NRXN3: variants seen among roughly 807,000 people sequenced by gnomAD.
NRXN3 encodes the protein neurexin 3.
A neutral mutation model predicts 137.6 loss-of-function variants in NRXN3; 32 were observed. That is an observed-to-expected ratio of 0.23 (90% CI 0.18 to 0.31). NRXN3 has a LOEUF of 0.31. Ranked by LOEUF, NRXN3 falls within the 10% of genes least tolerant of loss-of-function variation. The probability of loss-of-function intolerance (pLI) is 1.00; values close to 1 mark genes in which losing one functional copy is unlikely to be tolerated. For synonymous variants in NRXN3, 798 were observed against 784.5 expected, an observed-to-expected ratio of 1.02 and a Z score of -0.29; for missense variants, 1,574 against 2,062.5, an observed-to-expected ratio of 0.76 and a Z score of 4.59.
At chr14:79,655,721 A>T (rs1196389581) in intron 16 of NRXN3, among the ~76,000 whole-genome samples, 1 of 152,094 alleles carries the variant, frequency 6.6e-6, no homozygotes, top group African/African-American at 2.4e-5. Context: ...ATTTAGCAGC[A>T]TGCGTGGCCT....
chr14:79,277,349 C>A (rs1024224288), intron 15 of NRXN3, among the ~76,000 whole-genome samples: 1 of 152,070 alleles, frequency 6.6e-6, no homozygotes, highest in Non-Finnish European at 1.5e-5. Flanking sequence ...TCATCTAGGC[C>A]GCCTTAAGGC....
rs2060914607 is a variant in NRXN3, at chr14:79,162,761, C to T, written c.3262+174620C>T. Among the ~76,000 whole-genome samples the T allele has an allele frequency of 2.6e-5, 4 of 151,818 alleles. No homozygotes were observed. The South Asian group carries it at 8.3e-4, about 31-fold the overall frequency. ...ATTTTTTAAGGCAAGCAAGGTGGGC[C>T]TGATTGTTACATGAATTACCAAATC... On this transcript the variant is annotated intron_variant, in intron 15 of 20. Transcript: ENST00000335750.
chr14:78,427,486 C>T (rs373067992), intron 4 of NRXN3, among the ~76,000 whole-genome samples: 1 of 152,156 alleles, frequency 6.6e-6, no homozygotes. Flanking sequence ...CGATCGAAGC[C>T]TCTTTAACAC....
At chr14:79,798,105 A>G (rs1450497696) in intron 19 of NRXN3, among the ~76,000 whole-genome samples, 3 of 143,470 alleles carry the variant, frequency 2.1e-5, no homozygotes, top group Non-Finnish European at 3.1e-5. Context: ...TGTCTCAAGG[A>G]AAAAAAAAAA....
chr14:78,947,884 G>A (rs549713169), intron 10 of NRXN3, among the ~76,000 whole-genome samples: 1 of 152,320 alleles, frequency 6.6e-6, no homozygotes, highest in African/African-American at 2.4e-5. Flanking sequence ...CAATCTATCT[G>A]TGGAATCAGA....
intron 16 of NRXN3, among the ~76,000 whole-genome samples, chr14:79,604,565 C>T (rs1242323518): frequency 6.6e-6 from 1 of 150,912 alleles, no homozygotes; most frequent in African/African-American, 2.4e-5. Flanking sequence ...CTACTTTACT[C>T]ATACTCTCCA....
intron 15 of NRXN3, among the ~76,000 whole-genome samples, chr14:79,099,671 A>C (rs1377960425): frequency 6.6e-6 from 1 of 152,220 alleles, no homozygotes; most frequent in Non-Finnish European, 1.5e-5. Context: ...CTTATGAGAC[A>C]TGAGACATTG....
At chr14:78,474,098 A>G (rs1368742233) in intron 4 of NRXN3, among the ~76,000 whole-genome samples, 1 of 152,234 alleles carries the variant, frequency 6.6e-6, no homozygotes, top group African/African-American at 2.4e-5. Context: ...GTATGAAGAC[A>G]TATTAAACGT....
chr14:79,656,619 T>C (rs1317638244), intron 16 of NRXN3, among the ~76,000 whole-genome samples: 1 of 149,052 alleles, frequency 6.7e-6, no homozygotes, highest in Admixed American at 6.7e-5. Context: ...TCTCTCTCTT[T>C]TTTTTTTTTT....
chr14:78,200,147 T>G (rs1008297299), intron 1 of NRXN3, among the ~76,000 whole-genome samples: 2 of 152,204 alleles, frequency 1.3e-5, no homozygotes, highest in Admixed American at 1.3e-4. Context: ...CTGGTTCATC[T>G]GCTTTGTCTG....
intron 15 of NRXN3, among the ~76,000 whole-genome samples, chr14:79,442,195 A>AT (rs548393113): frequency 1.9e-3 from 292 of 152,338 alleles, no homozygotes; most frequent in Non-Finnish European, 3.7e-3. Context: ...CAGAGTACTT[A>AT]TGATGATATA....
chr14:79,416,382 T>C (rs1275811619), intron 15 of NRXN3, among the ~76,000 whole-genome samples: 4 of 152,120 alleles, frequency 2.6e-5, no homozygotes, highest in African/African-American at 9.7e-5. Flanking sequence ...TGATTTAAAA[T>C]ATTGTAACAT....
At chr14:79,339,923 C>T (rs1235903751) in intron 15 of NRXN3, among the ~76,000 whole-genome samples, 2 of 152,130 alleles carry the variant, frequency 1.3e-5, no homozygotes, top group Non-Finnish European at 2.9e-5. Context: ...ATTATGTCTT[C>T]ATTTCTTTTT....
intron 19 of NRXN3, among the ~76,000 whole-genome samples, chr14:79,703,499 A>G (rs2098763543): frequency 6.6e-6 from 1 of 152,098 alleles, no homozygotes; most frequent in South Asian, 2.1e-4. Context: ...TCACACTGCT[A>G]TAAAAAACTA....
At chr14:78,835,182 G>T (rs215503) in intron 10 of NRXN3, among the ~76,000 whole-genome samples, 4 of 152,114 alleles carry the variant, frequency 2.6e-5, no homozygotes, top group African/African-American at 4.8e-5. Flanking sequence ...AAGGGAAGCA[G>T]GAGTAGAGAA....
At chr14:78,872,633 T>C (rs1025706442) in intron 10 of NRXN3, among the ~76,000 whole-genome samples, 2 of 152,170 alleles carry the variant, frequency 1.3e-5, no homozygotes, top group Admixed American at 6.5e-5. Flanking sequence ...AAAATTATTA[T>C]TAGTGGGTGA....
intron 15 of NRXN3, among the ~76,000 whole-genome samples, chr14:79,287,963 G>C (rs1402472437): frequency 6.6e-6 from 1 of 152,164 alleles, no homozygotes; most frequent in African/African-American, 2.4e-5. Context: ...AGAGATTTGA[G>C]TGAGATGATC....
At chr14:78,299,239 T>C (rs2076642773) in intron 4 of NRXN3, among the ~76,000 whole-genome samples, 2 of 152,210 alleles carry the variant, frequency 1.3e-5, no homozygotes, top group African/African-American at 2.4e-5. Flanking sequence ...AGATGAAGTC[T>C]CTGTTCTTGC....
chr14:79,666,952 G>C (rs2098561016), intron 17 of NRXN3, among the ~76,000 whole-genome samples: 1 of 151,914 alleles, frequency 6.6e-6, no homozygotes, highest in South Asian at 2.1e-4. Flanking sequence ...TGATATACTA[G>C]ATCGAGGTTT....
Sources: allele counts gnomAD v4.1 joint callset (sites outside exome capture counted in the v4.1 genomes callset), GRCh38; gene constraint gnomAD v4.1.1; transcripts MANE v1.5; gene names NCBI Gene and HGNC (gene_info 2026-07-23, HGNC 2026-07-21).